Variants in PDE4D observed in about 807,000 individuals in gnomAD.
PDE4D encodes 3',5'-cyclic-AMP phosphodiesterase 4D.
A neutral mutation model predicts 87.4 loss-of-function variants in PDE4D; 24 were observed. The observed-to-expected ratio is 0.27, with a 90% CI of 0.20 to 0.39. The LOEUF is 0.39. Ranked by LOEUF, PDE4D falls within the 10% of genes least tolerant of loss-of-function variation. PDE4D has a pLI of 1.00. For synonymous variants in PDE4D, 384 were observed against 383.2 expected (o/e 1.00, Z -0.02); for missense variants, 714 against 1,041.0 (o/e 0.69, Z 4.32).
intron 2 of PDE4D, among the ~76,000 whole-genome samples, chr5:60,067,536 C>T (rs1772237352): frequency 6.6e-6 from 1 of 152,098 alleles, no homozygotes; most frequent in Non-Finnish European, 1.5e-5. Context: ...ATACCACTGT[C>T]TTTTTATTTT....
chr5:60,477,302 A>G (rs1009397458), intron 1 of PDE4D, among the ~76,000 whole-genome samples: 2 of 152,204 alleles, frequency 1.3e-5, no homozygotes, highest in African/African-American at 4.8e-5. Flanking sequence ...TCATTATTCA[A>G]CAGTTTGTGG....
chr5:59,546,677 T>C (rs1180567754), intron 1 of PDE4D, among the ~76,000 whole-genome samples: 2 of 152,124 alleles, frequency 1.3e-5, no homozygotes, highest in African/African-American at 4.8e-5. Flanking sequence ...AATTTAGAAA[T>C]GATTACAACT....
chr5:58,972,443 T>G lies in PDE4D; in HGVS notation c.*2221A>C, dbSNP rs1176922539. 6.6e-6 allele frequency: 1 copy of G among 152,558 alleles called. No homozygotes were observed. Among genetic ancestry groups the G allele is most frequent in the African/African-American group, 2.4e-5 (1 of 41,456 alleles). 9.5% of individuals were successfully genotyped at this position (152,558 alleles called of 1,614,324 possible). A position where few individuals can be genotyped will look rare whatever the true frequency, so the allele number is the denominator to read the frequency against. On this transcript the variant is annotated 3_prime_UTR_variant, in exon 15 of 15. Coordinates refer to ENST00000340635, the MANE Select transcript of PDE4D (RefSeq NM_001104631.2). ...GACATAATTTTTATTTCAAAGGATC[T>G]AAGCATCAGCTAGATCTCAGGGGAC...
chr5:59,391,620 G>A (rs570455961), intron 1 of PDE4D, among the ~76,000 whole-genome samples: 2 of 152,178 alleles, frequency 1.3e-5, no homozygotes, highest in South Asian at 4.2e-4. Flanking sequence ...TGTTTAATAA[G>A]GCAAAGCCAC....
intron 1 of PDE4D, among the ~76,000 whole-genome samples, chr5:60,456,524 A>G (rs563732491): frequency 2.7e-4 from 41 of 152,316 alleles, no homozygotes; most frequent in Admixed American, 4.6e-4. Context: ...CAGGTGGTCA[A>G]ATGATTTTGG....
intron 6 of PDE4D, chr5:58,999,729 A>G: frequency 9.4e-7 from 1 of 1,058,238 alleles, no homozygotes; most frequent in Non-Finnish European, 1.1e-6. Context: ...TTCCCATCGA[A>G]TACATGCCAT....
intron 1 of PDE4D, among the ~76,000 whole-genome samples, chr5:60,432,542 G>A (rs1744433874): frequency 6.6e-6 from 1 of 152,088 alleles, no homozygotes; most frequent in South Asian, 2.1e-4. Flanking sequence ...CCTGTCAAAT[G>A]AACAATGATA....
intron 2 of PDE4D, among the ~76,000 whole-genome samples, chr5:60,177,425 C>T (rs910047021): frequency 6.6e-6 from 1 of 152,098 alleles, no homozygotes; most frequent in Admixed American, 6.5e-5. Flanking sequence ...ATGTTTAAAG[C>T]AGCAAAAAAT....
intron 5 of PDE4D, among the ~76,000 whole-genome samples, chr5:59,043,239 T>C (rs971461398): frequency 3.9e-5 from 6 of 152,160 alleles, no homozygotes; most frequent in Non-Finnish European, 7.4e-5. Context: ...TTATAACAGC[T>C]GAGGTCGGGC....
chr5:59,442,025 C>T, intron 1 of PDE4D, among the ~76,000 whole-genome samples: 1 of 152,122 alleles, frequency 6.6e-6, no homozygotes, highest in Admixed American at 6.5e-5. Flanking sequence ...AATATTTTAC[C>T]AAAATAAAAA....
intron 1 of PDE4D, among the ~76,000 whole-genome samples, chr5:59,561,945 A>T (rs930226323): frequency 8.6e-5 from 13 of 151,966 alleles, no homozygotes; most frequent in South Asian, 8.3e-4. Flanking sequence ...AAAAAAAAAA[A>T]AATTAAATAA....
intron 2 of PDE4D, among the ~76,000 whole-genome samples, chr5:60,108,250 C>T (rs1275952770): frequency 6.6e-6 from 1 of 151,324 alleles, no homozygotes; most frequent in Non-Finnish European, 1.5e-5. Context: ...GAGTGAACTC[C>T]CATTCACAAT....
At chr5:60,161,200 G>A (rs1480444651) in intron 2 of PDE4D, among the ~76,000 whole-genome samples, 1 of 152,022 alleles carries the variant, frequency 6.6e-6, no homozygotes, top group African/African-American at 2.4e-5. Context: ...CTGGTATTTT[G>A]TTGTCTCTAC....
intron 1 of PDE4D, among the ~76,000 whole-genome samples, chr5:60,401,859 T>C (rs534823228): frequency 3.9e-5 from 6 of 152,232 alleles, no homozygotes; most frequent in Non-Finnish European, 8.8e-5. Flanking sequence ...TGAAACACTC[T>C]GTCTTCTTCC....
intron 1 of PDE4D, among the ~76,000 whole-genome samples, chr5:60,409,660 A>G (rs1741874337): frequency 1.3e-5 from 2 of 152,228 alleles, no homozygotes; most frequent in African/African-American, 4.8e-5. Flanking sequence ...TAAGACAGAT[A>G]AAGGAAGAAG....
chr5:59,335,674 C>G (rs1777535613), intron 1 of PDE4D, among the ~76,000 whole-genome samples: 1 of 152,102 alleles, frequency 6.6e-6, no homozygotes, highest in African/African-American at 2.4e-5. Context: ...AAGAATTGCT[C>G]CTTTAAAAAG....
intron 1 of PDE4D, among the ~76,000 whole-genome samples, chr5:59,323,866 T>C (rs1414241127): frequency 6.6e-6 from 1 of 152,092 alleles, no homozygotes; most frequent in Non-Finnish European, 1.5e-5. Context: ...CAGAATAAAG[T>C]AGAAATTTCT....
chr5:59,583,537 T>G (rs2153700777), intron 1 of PDE4D, among the ~76,000 whole-genome samples: 1 of 152,308 alleles, frequency 6.6e-6, no homozygotes, highest in Non-Finnish European at 1.5e-5. Flanking sequence ...CGCAATAAAA[T>G]CCTCCAGCTA....
chr5:60,340,342 A>G (rs1758201080), intron 1 of PDE4D, among the ~76,000 whole-genome samples: 1 of 151,858 alleles, frequency 6.6e-6, no homozygotes, highest in African/African-American at 2.4e-5. Flanking sequence ...AAGAAAAGGG[A>G]TTACATTTGT....
Sources: allele counts gnomAD v4.1 joint callset (sites outside exome capture counted in the v4.1 genomes callset), GRCh38; gene constraint gnomAD v4.1.1; transcripts MANE v1.5; gene names NCBI Gene and HGNC (gene_info 2026-07-23, HGNC 2026-07-21).